The following PTPRD variants were observed in gnomAD, a reference collection of about 807,000 sequenced individuals.
The protein encoded by PTPRD is protein tyrosine phosphatase receptor type D.
A neutral mutation model predicts 214.5 loss-of-function variants in PTPRD; 34 were observed. The observed-to-expected ratio is 0.16, with a 90% CI of 0.12 to 0.21. PTPRD has a LOEUF of 0.21. Among genes scored for constraint, PTPRD ranks in the 10% least tolerant of loss-of-function variants. The pLI is 1.00. For synonymous variants in PTPRD, 1,128 were observed against 845.7 expected, an observed-to-expected ratio of 1.33 and a Z score of -5.79; for missense variants, 2,545 against 2,398.7, an observed-to-expected ratio of 1.06 and a Z score of -1.27.
rs184944045 is a variant in PTPRD, at chr9:8,558,790, C to T, written c.353-30011G>A. ...ACATCCTTTATGACACCTTATCTTA[C>T]GTGTAATCATGACTTGACTTACATG... On this transcript the variant is annotated intron_variant, in intron 14 of 45. Transcript: ENST00000381196. 1.6e-3 allele frequency among the ~76,000 whole-genome samples: 247 copies of T among 152,176 alleles called. 2 individuals carry two copies. Among genetic ancestry groups the T allele is most frequent in the Admixed American group, 7.1e-3 (108 of 15,276 alleles).
chr9:9,350,607 C>A lies in PTPRD; in HGVS notation c.-203+46842G>T, dbSNP rs536302355. Among the ~76,000 whole-genome samples the A allele has an allele frequency of 2.4e-4, 36 of 151,980 alleles. 1 individual carries two copies. The highest frequency in any genetic ancestry group is 4.6e-4 in the Non-Finnish European group (31 of 67,976). On this transcript the variant is annotated intron_variant, in intron 9 of 45. Transcript: ENST00000381196. ...TTTTGTATACATTGGTCATAAATAT[C>A]TTTGGTGATGTAGTATCCTCTATAT... is the stretch of plus-strand genomic sequence containing the variant.
In PTPRD at chr9:9,697,026, G is replaced by T. The variant is rs532704378; in HGVS notation, c.-287+37507C>A. 2.0e-5 allele frequency among the ~76,000 whole-genome samples: 3 copies of T among 152,124 alleles called. No homozygotes were observed. In the East Asian group the frequency reaches 5.8e-4, roughly 29 times the overall value. ...TTTATTTTAAATAGACAACTTATCT[G>T]ATCACAAAGAAAAAATTAGAAACAA... On this transcript the variant is annotated intron_variant, in intron 7 of 45. Coordinates refer to ENST00000381196, the MANE Select transcript of PTPRD (RefSeq NM_002839.4).
At chr9:9,951,915 CTTAA>C (rs2093487277) in intron 4 of PTPRD, among the ~76,000 whole-genome samples, 1 of 152,310 alleles carries the variant, frequency 6.6e-6, no homozygotes, top group South Asian at 2.1e-4. Flanking sequence ...TACTCATGAT[CTTAA>C]TTGAGTACTT....
chr9:9,484,531 G>C (rs1474588354), intron 8 of PTPRD, among the ~76,000 whole-genome samples: 1 of 152,088 alleles, frequency 6.6e-6, no homozygotes, highest in East Asian at 1.9e-4. Context: ...CATGTTTGTT[G>C]CTGAATGTAA....
At chr9:8,488,200 C>G (rs138518579) in intron 27 of PTPRD, among the ~76,000 whole-genome samples, 4 of 152,164 alleles carry the variant, frequency 2.6e-5, no homozygotes, top group South Asian at 2.1e-4. Flanking sequence ...ACTGATTAGC[C>G]TCTTCATTTT....
intron 5 of PTPRD, among the ~76,000 whole-genome samples, chr9:9,898,254 A>T (rs1256852366): frequency 1.3e-5 from 2 of 152,122 alleles, no homozygotes; most frequent in Admixed American, 1.3e-4. Context: ...TCAGTAAATG[A>T]AAAAAGTAAC....
chr9:9,110,645 C>T lies in PTPRD; in HGVS notation c.-143+72659G>A, dbSNP rs145737687. ...TTACCCACCCATCAAATAAAATCTCCAAATTATCAAATCACCAAATAGCTC... is the reference window on the plus strand; with the variant it reads ...TTACCCACCCATCAAATAAAATCTCTAAATTATCAAATCACCAAATAGCTC... On this transcript the variant is annotated intron_variant, in intron 10 of 45. Coordinates refer to ENST00000381196, the MANE Select transcript of PTPRD (RefSeq NM_002839.4). Among the ~76,000 whole-genome samples the T allele has an allele frequency of 2.4e-3, 360 of 152,114 alleles. 1 individual carries two copies. Among genetic ancestry groups the T allele is most frequent in the African/African-American group, 8.1e-3 (335 of 41,504 alleles).
At chr9:9,682,304 T>C (rs1211610325) in intron 7 of PTPRD, among the ~76,000 whole-genome samples, 1 of 151,824 alleles carries the variant, frequency 6.6e-6, no homozygotes, top group Non-Finnish European at 1.5e-5. Flanking sequence ...TTGGATCCTC[T>C]TTCCCATTCT....
At chr9:9,995,724 G>T (rs975892548) in intron 4 of PTPRD, among the ~76,000 whole-genome samples, 3 of 152,064 alleles carry the variant, frequency 2.0e-5, no homozygotes, top group Non-Finnish European at 4.4e-5. Flanking sequence ...CCCAATTACA[G>T]TGTATTGTGT....
chr9:9,699,924 A>T (rs1359014692), intron 7 of PTPRD, among the ~76,000 whole-genome samples: 1 of 152,182 alleles, frequency 6.6e-6, no homozygotes, highest in Non-Finnish European at 1.5e-5. Context: ...CCTGTACAGC[A>T]GGAGCTTGGA....
At chr9:8,700,288 G>A (rs1198346498) in intron 12 of PTPRD, among the ~76,000 whole-genome samples, 1 of 152,156 alleles carries the variant, frequency 6.6e-6, no homozygotes, top group East Asian at 1.9e-4. Context: ...CTGAACTGTA[G>A]TAAAACCCTC....
chr9:9,066,602 G>T (rs1004829163), intron 10 of PTPRD, among the ~76,000 whole-genome samples: 2 of 152,116 alleles, frequency 1.3e-5, no homozygotes, highest in Admixed American at 1.3e-4. Flanking sequence ...AACTTGAGAG[G>T]GGGGAGATTA....
chr9:10,062,737 T>C (rs1055865735), intron 3 of PTPRD, among the ~76,000 whole-genome samples: 1 of 151,990 alleles, frequency 6.6e-6, no homozygotes, highest in Non-Finnish European at 1.5e-5. Flanking sequence ...CATTTCAACA[T>C]CTTTCACATT....
intron 35 of PTPRD, among the ~76,000 whole-genome samples, chr9:8,424,155 ATATAAT>A (rs1175465226): frequency 6.6e-6 from 1 of 152,178 alleles, no homozygotes; most frequent in East Asian, 1.9e-4. Context: ...CAAAAATAAA[ATATAAT>A]TATAACAAAA....
intron 8 of PTPRD, among the ~76,000 whole-genome samples, chr9:9,398,748 G>T (rs1295332578): frequency 1.3e-5 from 2 of 151,530 alleles, no homozygotes; most frequent in Non-Finnish European, 2.9e-5. Context: ...CCCCCCACAG[G>T]GTTAAATTTT....
chr9:10,024,908 G>A (rs1022543043), intron 4 of PTPRD, among the ~76,000 whole-genome samples: 1 of 151,134 alleles, frequency 6.6e-6, no homozygotes, highest in Non-Finnish European at 1.5e-5. Context: ...GCGATAGTTT[G>A]CTGAGAATGG....
intron 11 of PTPRD, among the ~76,000 whole-genome samples, chr9:8,741,879 G>A (rs990443737): frequency 1.3e-5 from 2 of 151,858 alleles, no homozygotes; most frequent in Non-Finnish European, 2.9e-5. Context: ...GTGAGCCACC[G>A]CGCCTGACCG....
chr9:9,400,218 T>C (rs1355105760), intron 8 of PTPRD, among the ~76,000 whole-genome samples: 3 of 151,598 alleles, frequency 2.0e-5, no homozygotes, highest in Non-Finnish European at 2.9e-5. Context: ...GGTAACATAG[T>C]TGGGTAAGGA....
chr9:9,407,806 A>G (rs768949262), intron 8 of PTPRD, among the ~76,000 whole-genome samples: 2 of 151,872 alleles, frequency 1.3e-5, no homozygotes, highest in African/African-American at 4.8e-5. Context: ...TAATCATTCC[A>G]TAAAAGCTAG....
Sources: gnomAD v4.1 joint callset for allele counts (sites outside exome capture counted in the v4.1 genomes callset) on GRCh38, gnomAD v4.1.1 for gene constraint, MANE v1.5 for transcripts, NCBI Gene and HGNC (gene_info 2026-07-23, HGNC 2026-07-21) for gene names.